The following SUFU variants were observed in gnomAD, a reference collection of about 807,000 sequenced individuals.
SUFU encodes SUFU negative regulator of hedgehog signaling, also known as suppressor of fused homolog.
In SUFU, 7 loss-of-function variants were observed where a neutral mutation model predicts 58.9. That is an observed-to-expected ratio of 0.12 (90% CI 0.07 to 0.22). The LOEUF (loss-of-function observed/expected upper bound fraction) is 0.22, where lower values mean the gene tolerates loss of function less well. Ranked by LOEUF, SUFU falls within the 10% of genes least tolerant of loss-of-function variation. SUFU has a pLI of 1.00. For synonymous variants in SUFU, 232 were observed against 254.8 expected (o/e 0.91, Z 0.85); for missense variants, 451 against 641.3 (o/e 0.70, Z 3.20).
intron 2 of SUFU, among the ~76,000 whole-genome samples, chr10:102,535,415 G>A (rs1293009597): frequency 2.0e-5 from 3 of 151,962 alleles, no homozygotes; most frequent in Non-Finnish European, 4.4e-5. Context: ...GAACCTGGGA[G>A]GTGGAGGTTG....
chr10:102,618,779 AC>A lies in SUFU; in HGVS notation c.1296+1356del, dbSNP rs570614345. ...TGGAAAGGGCCTCCCTCCATTCCCTACCCCCAGCCATGTCCCGGGCTGCTGC... is the reference window on the plus strand; with the variant it reads ...TGGAAAGGGCCTCCCTCCATTCCCTACCCCAGCCATGTCCCGGGCTGCTGC... On this transcript the variant is annotated intron_variant, in intron 10 of 11. Transcript: ENST00000369902. 108 of 509,894 alleles carry A rather than the reference AC, an allele frequency of 2.1e-4. No homozygotes were observed. In the Middle Eastern group the frequency reaches 2.6e-3, roughly 12 times the overall value. 31.6% of individuals were successfully genotyped at this position (509,894 alleles called of 1,614,324 possible). A position where few individuals can be genotyped will look rare whatever the true frequency, so the allele number is the denominator to read the frequency against.
At chr10:102,536,997 G>A (rs2135711899) in intron 2 of SUFU, among the ~76,000 whole-genome samples, 1 of 152,172 alleles carries the variant, frequency 6.6e-6, no homozygotes, top group South Asian at 2.1e-4. Flanking sequence ...TTTTAGCAGA[G>A]AGAGGGTTTC....
At chr10:102,572,556 C>T (rs975450885) in intron 3 of SUFU, among the ~76,000 whole-genome samples, 1 of 151,708 alleles carries the variant, frequency 6.6e-6, no homozygotes, top group Non-Finnish European at 1.5e-5. Flanking sequence ...CACCCGGCTA[C>T]TTTTTGTATT....
intron 8 of SUFU, among the ~76,000 whole-genome samples, chr10:102,604,777 G>C (rs974223774): frequency 8.5e-5 from 13 of 152,090 alleles, no homozygotes; most frequent in Admixed American, 7.9e-4. Flanking sequence ...CTGGTGCCCA[G>C]AGGAGTTAAT....
rs1053461483 is a variant in SUFU, at chr10:102,631,301, T to C, written c.*1146T>C. On this transcript the variant is annotated 3_prime_UTR_variant, in exon 12 of 12. Coordinates refer to ENST00000369902, the MANE Select transcript of SUFU (RefSeq NM_016169.4). ...CCTCCCTGTATCCATTCATGCCCTA[T>C]CTTTCATTCTCCACTCCTAATCCCT... is the stretch of plus-strand genomic sequence containing the variant. 1 of 233,538 alleles carries C rather than the reference T, an allele frequency of 4.3e-6. No individual in the cohort carries two copies. The highest frequency in any genetic ancestry group is 2.2e-5 in the African/African-American group (1 of 45,352). 14.5% of individuals were successfully genotyped at this position (233,538 alleles called of 1,614,324 possible).
intron 3 of SUFU, among the ~76,000 whole-genome samples, chr10:102,585,633 A>T (rs2063328108): frequency 6.6e-6 from 1 of 152,094 alleles, no homozygotes; most frequent in African/African-American, 2.4e-5. Context: ...CAACCTCCCG[A>T]GTACCTGGGA....
chr10:102,620,291 G>C (rs921589083), intron 10 of SUFU, among the ~76,000 whole-genome samples: 3 of 152,186 alleles, frequency 2.0e-5, no homozygotes, highest in Non-Finnish European at 4.4e-5. Flanking sequence ...CATCCTGCAG[G>C]GGGAAGAGTG....
intron 2 of SUFU, among the ~76,000 whole-genome samples, chr10:102,542,017 T>C (rs1243507352): frequency 6.6e-6 from 1 of 151,542 alleles, no homozygotes; most frequent in East Asian, 1.9e-4. Flanking sequence ...CCCGAGTAGC[T>C]GAGATTACAG....
At chr10:102,606,640 A>G (rs2063564907) in intron 8 of SUFU, among the ~76,000 whole-genome samples, 1 of 152,192 alleles carries the variant, frequency 6.6e-6, no homozygotes, top group Admixed American at 6.5e-5. Flanking sequence ...TTCACCAGAA[A>G]ACATAACTGG....
In SUFU at chr10:102,629,205, C is replaced by G. The variant is rs2063816069; in HGVS notation, c.1366-861C>G. On this transcript the variant is annotated intron_variant, in intron 11 of 11. Coordinates refer to ENST00000369902, the MANE Select transcript of SUFU (RefSeq NM_016169.4). This position sits in a 1 kb window ranked among gnomAD's most constrained non-coding sequence, Gnocchi z 4.7. The stretch of plus-strand genomic sequence containing the variant: ...CTGTGTCTAAGTTCCGGTATCAGTC[C>G]CAGGCAGTGAGCATTTATTGAGCTC... 1.3e-5 allele frequency among the ~76,000 whole-genome samples: 2 copies of G among 152,170 alleles called. No homozygotes were observed. The highest frequency in any genetic ancestry group is 6.5e-5 in the Admixed American group (1 of 15,280).
chr10:102,527,103 T>C (rs551038525), intron 2 of SUFU, among the ~76,000 whole-genome samples: 42 of 149,836 alleles, frequency 2.8e-4, no homozygotes, highest in South Asian at 8.5e-4. Flanking sequence ...TCTGGTGTCA[T>C]GCCATTCTCC....
intron 2 of SUFU, among the ~76,000 whole-genome samples, chr10:102,516,922 G>A (rs915768424): frequency 3.3e-5 from 5 of 150,372 alleles, no homozygotes; most frequent in Non-Finnish European, 5.9e-5. Context: ...TCAGGAGTTC[G>A]AGACCAGCCT....
chr10:102,553,753 G>A (rs1048263386), intron 3 of SUFU, among the ~76,000 whole-genome samples: 5 of 149,144 alleles, frequency 3.4e-5, no homozygotes, highest in African/African-American at 7.3e-5. Context: ...GTGAGCCACC[G>A]CGCCCGGCCA....
rs558935904 is a variant in SUFU, at chr10:102,542,236, G to A, written c.318-7734G>A. ...CCACCTCTGCCTCCCGGATTCAAGC[G>A]ATTCTCCTGCCTCAGCCTCCTGAGT... On this transcript the variant is annotated intron_variant, in intron 2 of 11. Coordinates refer to ENST00000369902, the MANE Select transcript of SUFU (RefSeq NM_016169.4). Among the ~76,000 whole-genome samples, 215 of 149,306 alleles carry A rather than the reference G, an allele frequency of 1.4e-3. 1 individual carries two copies. Among genetic ancestry groups the A allele is most frequent in the Admixed American group, 1.9e-3 (28 of 14,972 alleles).
At chr10:102,535,156 TGGGA>T (rs1191170886) in intron 2 of SUFU, among the ~76,000 whole-genome samples, 2 of 152,000 alleles carry the variant, frequency 1.3e-5, no homozygotes, top group African/African-American at 2.4e-5. Context: ...CCATCCAGCC[TGGGA>T]CCAGGAGGAA....
At chr10:102,594,166 G>T in intron 6 of SUFU, 101 bp downstream of exon 6, 1 of 1,168,102 alleles carries the variant, frequency 8.6e-7, no homozygotes. Context: ...CTTTATGTGT[G>T]AGTGAGTAGA....
chr10:102,545,135 G>A (rs1350075105), intron 2 of SUFU, among the ~76,000 whole-genome samples: 1 of 150,818 alleles, frequency 6.6e-6, no homozygotes, highest in African/African-American at 2.4e-5. Context: ...TTTAGACAAG[G>A]TCTTACTCTG....
intron 8 of SUFU, among the ~76,000 whole-genome samples, chr10:102,606,637 G>GA (rs2063564887): frequency 6.6e-6 from 1 of 152,198 alleles, no homozygotes; most frequent in Non-Finnish European, 1.5e-5. Flanking sequence ...CAGTTCACCA[G>GA]AAAACATAAC....
chr10:102,600,701 A>G (rs1185279211), intron 8 of SUFU, among the ~76,000 whole-genome samples: 1 of 152,172 alleles, frequency 6.6e-6, no homozygotes, highest in Non-Finnish European at 1.5e-5. Flanking sequence ...GAAGGAACTC[A>G]AGAGGATAGC....
Sources: gnomAD v4.1 joint callset for allele counts (sites outside exome capture counted in the v4.1 genomes callset) on GRCh38, gnomAD v4.1.1 for gene constraint, Gnocchi (gnomAD v3.1) non-coding constraint, MANE v1.5 for transcripts, NCBI Gene and HGNC (gene_info 2026-07-23, HGNC 2026-07-21) for gene names.